Variants in TRAPPC8 observed in about 807,000 individuals in gnomAD.
TRAPPC8 encodes the protein trafficking protein particle complex subunit 8, also known as general sporulation gene 1 homolog.
A neutral mutation model predicts 174.3 loss-of-function variants in TRAPPC8; 54 were observed. The observed-to-expected ratio is 0.31, with a 90% CI of 0.25 to 0.39. The LOEUF (loss-of-function observed/expected upper bound fraction) is 0.39, where lower values mean the gene tolerates loss of function less well. Ranked by LOEUF, TRAPPC8 falls within the 10% of genes least tolerant of loss-of-function variation. The pLI is 1.00. For missense variants in TRAPPC8, 1,531 were observed against 1,699.1 expected, an observed-to-expected ratio of 0.90 and a Z score of 1.74; for synonymous variants, 630 against 579.9, an observed-to-expected ratio of 1.09 and a Z score of -1.24.
At chr18:31,880,112 TA>T (rs1598658341) in intron 12 of TRAPPC8, among the ~76,000 whole-genome samples, 1 of 90,866 alleles carries the variant, frequency 1.1e-5, no homozygotes, top group East Asian at 2.3e-4. Context: ...TATATATATA[TA>T]TATATATATT....
At chr18:31,892,703 T>C (rs1360283771) in intron 11 of TRAPPC8, among the ~76,000 whole-genome samples, 2 of 152,124 alleles carry the variant, frequency 1.3e-5, no homozygotes, top group Admixed American at 1.3e-4. Flanking sequence ...TCCACTCTAC[T>C]CAGCCAAAAA....
chr18:31,831,105 C>G (rs1202007622), intron 28 of TRAPPC8, 116 bp from the exon 29 acceptor site: 1 of 788,182 alleles, frequency 1.3e-6, no homozygotes, highest in Non-Finnish European at 2.0e-6. Context: ...GTAATCCCAG[C>G]ACTTTGGGAG....
In TRAPPC8 at chr18:31,873,495, G is replaced by A; in HGVS notation, c.1997C>T (p.Pro666Leu). 6.2e-7 allele frequency: 1 copy of A among 1,613,720 alleles called. No individual in the cohort carries two copies. Among genetic ancestry groups the A allele is most frequent in the Non-Finnish European group, 8.5e-7 (1 of 1,179,798 alleles). Residue 666 changes from proline to leucine, a missense_variant, in exon 14 of 29, where the codon CCT becomes CTT. Physicochemically the swap from Pro to Leu is moderately conservative, Grantham distance 98. Coordinates refer to ENST00000283351, the MANE Select transcript of TRAPPC8 (RefSeq NM_014939.5). ...LSPDGPLPQL[P>L]LPYINSSATR... ...TGCTGAACTGTTAATATACGGTAAA[G>A]GAAGCTGTGGCAAAGGACCATCTGG...
intron 26 of TRAPPC8, among the ~76,000 whole-genome samples, chr18:31,840,034 T>C (rs1340654815): frequency 6.6e-6 from 1 of 152,194 alleles, no homozygotes; most frequent in Non-Finnish European, 1.5e-5. Flanking sequence ...AGGCACATTA[T>C]GACTATTTCA....
intron 12 of TRAPPC8, among the ~76,000 whole-genome samples, chr18:31,877,171 G>A (rs551156357): frequency 2.9e-4 from 44 of 152,228 alleles, no homozygotes; most frequent in African/African-American, 7.5e-4. Context: ...CAGCCCCAGC[G>A]GCTGGAAATG....
At chr18:31,853,495 T>C (rs2033824139) in intron 22 of TRAPPC8, among the ~76,000 whole-genome samples, 1 of 152,162 alleles carries the variant, frequency 6.6e-6, no homozygotes, top group Non-Finnish European at 1.5e-5. Context: ...TTCAAACTGC[T>C]GACCTCAAGT....
intron 2 of TRAPPC8, among the ~76,000 whole-genome samples, chr18:31,925,556 A>T (rs1775153719): frequency 6.6e-6 from 1 of 152,216 alleles, no homozygotes; most frequent in Non-Finnish European, 1.5e-5. Context: ...TAGTTTCAGA[A>T]AGAACAGAGA....
intron 2 of TRAPPC8, among the ~76,000 whole-genome samples, chr18:31,925,814 G>A (rs1447795553): frequency 1.3e-5 from 2 of 152,140 alleles, no homozygotes; most frequent in Non-Finnish European, 2.9e-5. Context: ...CTAAAAGAAA[G>A]TGGATCAATT....
intron 1 of TRAPPC8, among the ~76,000 whole-genome samples, chr18:31,940,198 C>T (rs2038269304): frequency 6.6e-6 from 1 of 152,108 alleles, no homozygotes; most frequent in Non-Finnish European, 1.5e-5. Context: ...TAATTTCGGC[C>T]GGGCACGGTG....
chr18:31,930,212 C>T (rs1373236733), intron 2 of TRAPPC8, among the ~76,000 whole-genome samples: 12 of 152,016 alleles, frequency 7.9e-5, no homozygotes, highest in South Asian at 2.1e-4. Context: ...CTCTGCCTCC[C>T]GGGTTCAAGC....
chr18:31,885,838 C>A (rs1016166289), intron 12 of TRAPPC8, among the ~76,000 whole-genome samples: 1 of 150,574 alleles, frequency 6.6e-6, no homozygotes, highest in Admixed American at 6.6e-5. Flanking sequence ...CCAGCCTGGG[C>A]AACAAGAGCA....
intron 2 of TRAPPC8, among the ~76,000 whole-genome samples, chr18:31,923,670 G>GT (rs2037482553): frequency 6.6e-6 from 1 of 151,092 alleles, no homozygotes; most frequent in Admixed American, 6.6e-5. Flanking sequence ...GTACTTCATC[G>GT]TATCTCATTC....
chr18:31,837,790 C>A (rs182186334), intron 27 of TRAPPC8, among the ~76,000 whole-genome samples: 4 of 151,864 alleles, frequency 2.6e-5, no homozygotes, highest in African/African-American at 9.7e-5. Flanking sequence ...TCTGGTATAT[C>A]GAAACATACT....
At chr18:31,937,297 A>G (rs1174792548) in intron 1 of TRAPPC8, among the ~76,000 whole-genome samples, 4 of 152,252 alleles carry the variant, frequency 2.6e-5, no homozygotes, top group African/African-American at 9.6e-5. Flanking sequence ...TTGGGAATCC[A>G]AAGCGGGTAA....
chr18:31,926,282 A>G (rs1337964764), intron 2 of TRAPPC8, among the ~76,000 whole-genome samples: 6 of 152,160 alleles, frequency 3.9e-5, no homozygotes, highest in Non-Finnish European at 8.8e-5. Flanking sequence ...TTTGTCCCCC[A>G]AGGACCAATT....
intron 4 of TRAPPC8, among the ~76,000 whole-genome samples, 166 bp from the exon 5 acceptor site, chr18:31,913,688 A>G (rs1018554201): frequency 1.6e-4 from 24 of 152,238 alleles, no homozygotes; most frequent in Non-Finnish European, 2.8e-4. Flanking sequence ...CTAGAAAATT[A>G]GGACAGAATA....
Position 31,874,466 on chromosome 18 carries a change from A to C in TRAPPC8, c.1953+14T>G. Reference sequence around the variant, plus strand: ...AGTTTTAATATCTATTCCTGAATGAAAATAAGCAGTCACCTTGTAAACATA... The same window carrying C: ...AGTTTTAATATCTATTCCTGAATGACAATAAGCAGTCACCTTGTAAACATA... On this transcript the variant is annotated intron_variant, in intron 13 of 28. Transcript: ENST00000283351. The C allele has an allele frequency of 6.2e-7, 1 of 1,608,378 alleles. No homozygotes were observed. Among genetic ancestry groups the C allele is most frequent in the Non-Finnish European group, 8.5e-7 (1 of 1,174,914 alleles).
intron 28 of TRAPPC8, 70 bp from the exon 29 acceptor site, chr18:31,831,059 C>G: frequency 2.2e-6 from 3 of 1,376,294 alleles, no homozygotes; most frequent in East Asian, 2.3e-5. Context: ...GTCACATTAA[C>G]ATATCCCTTT....
intron 1 of TRAPPC8, among the ~76,000 whole-genome samples, chr18:31,933,018 A>AG: frequency 2.0e-5 from 3 of 146,696 alleles, no homozygotes; most frequent in Admixed American, 6.8e-5. Flanking sequence ...AAAAAAAAAA[A>AG]AAGCCGGGCG....
Sources: allele counts gnomAD v4.1 joint callset (sites outside exome capture counted in the v4.1 genomes callset), GRCh38; gene constraint gnomAD v4.1.1; transcripts MANE v1.5; gene names NCBI Gene and HGNC (gene_info 2026-07-23, HGNC 2026-07-21).